The following PKIB variants were observed in gnomAD, a reference collection of about 807,000 sequenced individuals.
PKIB encodes cAMP-dependent protein kinase inhibitor beta, also known as PKI-beta.
In PKIB, 2 loss-of-function variants were observed where a neutral mutation model predicts 4.5. The observed-to-expected ratio is 0.44, with a 90% CI of 0.18 to 1.39. The LOEUF is 1.39. PKIB is among the 40% of genes most tolerant of loss of function. The probability of loss-of-function intolerance (pLI) is 0.27; values close to 1 mark genes in which losing one functional copy is unlikely to be tolerated. For synonymous variants in PKIB, 38 were observed against 36.0 expected, an observed-to-expected ratio of 1.06 and a Z score of -0.20; for missense variants, 94 against 92.6, an observed-to-expected ratio of 1.02 and a Z score of -0.06.
At chr6:122,665,075 A>G (rs570230977) in intron 2 of PKIB, among the ~76,000 whole-genome samples, 3 of 152,180 alleles carry the variant, frequency 2.0e-5, no homozygotes, top group Non-Finnish European at 4.4e-5. Context: ...TTCTAGAAAG[A>G]TCATGAATTA....
At chr6:122,520,949 T>C (rs1776924413) in intron 2 of PKIB, among the ~76,000 whole-genome samples, 1 of 152,180 alleles carries the variant, frequency 6.6e-6, no homozygotes, top group African/African-American at 2.4e-5. Context: ...GAAGAAGTGA[T>C]AGTCAGTTGG....
intron 2 of PKIB, among the ~76,000 whole-genome samples, chr6:122,515,982 G>C (rs984081037): frequency 9.2e-5 from 14 of 152,014 alleles, no homozygotes; most frequent in African/African-American, 3.4e-4. Flanking sequence ...CAAAGTGTTG[G>C]GATTACAGGC....
intron 4 of PKIB, among the ~76,000 whole-genome samples, chr6:122,724,702 G>A (rs1476112516): frequency 2.0e-5 from 3 of 152,100 alleles, no homozygotes; most frequent in Non-Finnish European, 4.4e-5. Flanking sequence ...TCCTAAGAAA[G>A]AGCAAAGGGA....
At chr6:122,513,388 G>A (rs1408177201) in intron 2 of PKIB, among the ~76,000 whole-genome samples, 1 of 152,168 alleles carries the variant, frequency 6.6e-6, no homozygotes, top group Non-Finnish European at 1.5e-5. Flanking sequence ...GGTGAGTGAT[G>A]CTTCTGCCAA....
intron 3 of PKIB, among the ~76,000 whole-genome samples, chr6:122,587,397 G>A (rs1389601498): frequency 6.6e-6 from 1 of 152,136 alleles, no homozygotes; most frequent in Non-Finnish European, 1.5e-5. Flanking sequence ...TGGTGTATAT[G>A]TGCCACATTT....
chr6:122,629,360 T>C (rs1210603669), intron 1 of PKIB, among the ~76,000 whole-genome samples: 1 of 152,202 alleles, frequency 6.6e-6, no homozygotes, highest in African/African-American at 2.4e-5. Context: ...TAAAGTACTA[T>C]TGGATTATAA....
At chr6:122,689,998 A>G (rs1778259456) in intron 3 of PKIB, among the ~76,000 whole-genome samples, 2 of 152,018 alleles carry the variant, frequency 1.3e-5, no homozygotes, top group Non-Finnish European at 2.9e-5. Context: ...CCCCTTTATC[A>G]TTATATGACC....
At chr6:122,650,764 G>T (rs1395933296) in intron 2 of PKIB, among the ~76,000 whole-genome samples, 1 of 152,172 alleles carries the variant, frequency 6.6e-6, no homozygotes, top group African/African-American at 2.4e-5. Context: ...ATGATGAAAT[G>T]TGTGTCCTAA....
chr6:122,525,553 G>A (rs1039079029), intron 2 of PKIB, among the ~76,000 whole-genome samples: 2 of 152,122 alleles, frequency 1.3e-5, no homozygotes, highest in African/African-American at 2.4e-5. Flanking sequence ...AGATCACAAC[G>A]AAGCAAGTCA....
chr6:122,627,070 TAAAAAAAA>T, intron 1 of PKIB, among the ~76,000 whole-genome samples: 1 of 108,324 alleles, frequency 9.2e-6, no homozygotes, highest in African/African-American at 3.6e-5. Flanking sequence ...CCGTCTCTAC[TAAAAAAAA>T]AAAAAAAAAA....
intron 2 of PKIB, among the ~76,000 whole-genome samples, chr6:122,508,445 G>C (rs1167787329): frequency 6.6e-6 from 1 of 152,086 alleles, no homozygotes; most frequent in Non-Finnish European, 1.5e-5. Flanking sequence ...TTTGATATTT[G>C]TTTTTAAGTC....
At chr6:122,636,755 A>G (rs1002240768) in intron 2 of PKIB, among the ~76,000 whole-genome samples, 6 of 152,144 alleles carry the variant, frequency 3.9e-5, no homozygotes, top group African/African-American at 9.6e-5. Flanking sequence ...TGGAAAAGGC[A>G]TATTTTTGAA....
chr6:122,683,829 T>G (rs1777994471), intron 3 of PKIB, among the ~76,000 whole-genome samples: 1 of 152,112 alleles, frequency 6.6e-6, no homozygotes, highest in Admixed American at 6.6e-5. Flanking sequence ...AAACTAACAA[T>G]AAGGCTATGA....
intron 4 of PKIB, among the ~76,000 whole-genome samples, chr6:122,723,644 G>A (rs1779828642): frequency 6.6e-6 from 1 of 151,842 alleles, no homozygotes; most frequent in Non-Finnish European, 1.5e-5. Flanking sequence ...AATCCTTCCT[G>A]CATATTATTG....
intron 2 of PKIB, among the ~76,000 whole-genome samples, chr6:122,492,116 G>A (rs1202854838): frequency 6.6e-6 from 1 of 152,196 alleles, no homozygotes; most frequent in Non-Finnish European, 1.5e-5. Flanking sequence ...GGGGGCAGCA[G>A]AGGGCCACCA....
chr6:122,680,603 C>G (rs1488242073), intron 3 of PKIB, among the ~76,000 whole-genome samples: 7 of 152,088 alleles, frequency 4.6e-5, no homozygotes, highest in Non-Finnish European at 8.8e-5. Flanking sequence ...TATGACAAGC[C>G]TCAGGGGAGA....
chr6:122,708,335 A>G (rs992154997), intron 3 of PKIB, among the ~76,000 whole-genome samples: 4 of 152,134 alleles, frequency 2.6e-5, no homozygotes, highest in Non-Finnish European at 5.9e-5. Context: ...TTTTAATATT[A>G]CTCAGATTAA....
At chr6:122,632,116 G>T (rs1271244779) in intron 1 of PKIB, among the ~76,000 whole-genome samples, 1 of 152,152 alleles carries the variant, frequency 6.6e-6, no homozygotes, top group Admixed American at 6.5e-5. Context: ...AGTTGAACTA[G>T]ATTTGCCCAT....
At chr6:122,649,169 C>T (rs1302382264) in intron 2 of PKIB, among the ~76,000 whole-genome samples, 1 of 152,160 alleles carries the variant, frequency 6.6e-6, no homozygotes, top group African/African-American at 2.4e-5. Flanking sequence ...CTATCCTTGT[C>T]ACCAATTTTT....
Sources: allele counts gnomAD v4.1 joint callset (sites outside exome capture counted in the v4.1 genomes callset), GRCh38; gene constraint gnomAD v4.1.1; transcripts MANE v1.5; gene names NCBI Gene and HGNC (gene_info 2026-07-23, HGNC 2026-07-21).